The following CTDP1 variants were observed in gnomAD, a reference collection of about 807,000 sequenced individuals.
CTDP1 encodes the protein RNA polymerase II subunit A C-terminal domain phosphatase.
Under a neutral mutation model 91.8 loss-of-function variants are expected in CTDP1, and 47 were observed. The observed-to-expected ratio is 0.51, with a 90% confidence interval of 0.41 to 0.65. The LOEUF is 0.65. Among genes scored for constraint, CTDP1 ranks in the 30% least tolerant of loss-of-function variants. The pLI is 0.00. For synonymous variants in CTDP1, 656 were observed against 598.5 expected (o/e 1.10, Z -1.40); for missense variants, 1,272 against 1,373.7 (o/e 0.93, Z 1.17).
chr18:79,749,084 C>G (rs2086941189), intron 12 of CTDP1, among the ~76,000 whole-genome samples: 1 of 152,312 alleles, frequency 6.6e-6, no homozygotes, highest in Non-Finnish European at 1.5e-5. Context: ...TTTTGTCGGC[C>G]TTGTGAGGGG....
chr18:79,717,689 T>C lies in CTDP1; in HGVS notation c.2210+13T>C. On this transcript the variant is annotated intron_variant, in intron 9 of 12. Transcript: ENST00000613122. ...CCAAGGCACAGAGGTGGGTCCTCGC[T>C]GCACCCAGCAGGTCCGTGCCAGGCG... The C allele has an allele frequency of 6.2e-7, 1 of 1,613,988 alleles. No homozygotes were observed. The highest frequency in any genetic ancestry group is 8.5e-7 in the Non-Finnish European group (1 of 1,179,970).
intron 11 of CTDP1, among the ~76,000 whole-genome samples, chr18:79,729,920 C>A (rs781457481): frequency 6.6e-6 from 1 of 152,228 alleles, no homozygotes; most frequent in Non-Finnish European, 1.5e-5. Flanking sequence ...AGCCTATCCT[C>A]CCTGCCCGCC....
At chr18:79,726,835 TG>T (rs1568205988) in intron 10 of CTDP1, among the ~76,000 whole-genome samples, 1,305 of 15,950 alleles carry the variant, frequency 0.082, 60 homozygotes, top group African/African-American at 0.14. Context: ...CTGTGGGGGA[TG>T]GGGGTGACGC....
chr18:79,709,513 C>G (rs545237125), intron 5 of CTDP1, among the ~76,000 whole-genome samples: 2 of 152,242 alleles, frequency 1.3e-5, no homozygotes, highest in South Asian at 4.2e-4. Flanking sequence ...TTTAAGGAGT[C>G]GAAGCTGAGC....
At chr18:79,746,660 G>C (rs55760632) in intron 12 of CTDP1, among the ~76,000 whole-genome samples, 19,188 of 152,288 alleles carry the variant, frequency 0.13, 1,598 homozygotes, top group Non-Finnish European at 0.19. Flanking sequence ...TCTGTTGCCT[G>C]GGCTGGAGTG....
upstream of CTDP1, chr18:79,677,737 G>A (rs1323978235): frequency 1.3e-5 from 2 of 151,270 alleles, no homozygotes; most frequent in East Asian, 1.9e-4. Context: ...GTGAACCAGG[G>A]GTTCATGGGA....
chr18:79,696,539 G>A (rs2085751974), intron 3 of CTDP1, among the ~76,000 whole-genome samples: 1 of 152,286 alleles, frequency 6.6e-6, no homozygotes, highest in Admixed American at 6.5e-5. Context: ...GGGGGGACGT[G>A]GTTGGTAGCA....
intron 12 of CTDP1, among the ~76,000 whole-genome samples, chr18:79,738,346 C>T (rs2086709399): frequency 1.3e-5 from 2 of 152,226 alleles, no homozygotes; most frequent in East Asian, 1.9e-4. Context: ...ACTTGTGTCC[C>T]GAGGATTTGC....
intron 1 of CTDP1, 52 bp downstream of exon 1, chr18:79,680,313 T>G (rs1477156160): frequency 8.2e-7 from 1 of 1,224,826 alleles, no homozygotes; most frequent in African/African-American, 1.6e-5. Context: ...CGGGGAGGGA[T>G]CCTGGAGGAC....
chr18:79,728,345 C>T (rs1177335441), intron 10 of CTDP1, among the ~76,000 whole-genome samples: 1 of 152,066 alleles, frequency 6.6e-6, no homozygotes, highest in Non-Finnish European at 1.5e-5. Flanking sequence ...AGTGATCCAC[C>T]TGCCTCGGCC....
chr18:79,680,323 C>T, intron 1 of CTDP1, 62 bp downstream of exon 1: 2 of 1,204,614 alleles, frequency 1.7e-6, no homozygotes, highest in South Asian at 3.6e-5. Flanking sequence ...TCCTGGAGGA[C>T]CCCCGGGCTG....
Position 79,715,398 on chromosome 18 carries a change from G to A in CTDP1, c.1938G>A (p.Pro646=), listed in dbSNP as rs765183908. Residue 646 remains proline (P), a synonymous_variant, in exon 8 of 13, where the codon CCG becomes CCA. Coordinates refer to ENST00000613122, the MANE Select transcript of CTDP1 (RefSeq NM_004715.5). ...CCATAATTTTCAGTGGGCTACACCC[G>A]ACAAACTTCCCGATAGAGAAGACGC... The part of the protein sequence containing the change: ...DVAIIFSGLH[P]TNFPIEKTRE... 133 of 1,604,646 alleles carry A rather than the reference G, an allele frequency of 8.3e-5. No homozygotes were observed. The Middle Eastern group carries it at 2.3e-3, about 28-fold the overall frequency.
intron 1 of CTDP1, among the ~76,000 whole-genome samples, chr18:79,694,728 A>G (rs2122483273): frequency 6.6e-6 from 1 of 152,366 alleles, no homozygotes. Context: ...GGCTTCTGCC[A>G]GAAGACCACT....
chr18:79,742,283 C>T (rs545996272), intron 12 of CTDP1, among the ~76,000 whole-genome samples: 50 of 145,606 alleles, frequency 3.4e-4, no homozygotes, highest in African/African-American at 1.2e-3. Context: ...GAGGTGTCCA[C>T]GAGAGAGAGG....
Position 79,736,540 on chromosome 18 carries a change from G to A in CTDP1, c.2747+19G>A, listed in dbSNP as rs539834282. ...GGCCCAGGTGAGTGCGGGGTCTGAGGTGGGAGGGGCCTGACACGGGCTCCC... is the reference window on the plus strand; with the variant it reads ...GGCCCAGGTGAGTGCGGGGTCTGAGATGGGAGGGGCCTGACACGGGCTCCC... On this transcript the variant is annotated intron_variant, in intron 12 of 12. Transcript: ENST00000613122. 5.4e-5 allele frequency: 83 copies of A among 1,524,166 alleles called. 2 individuals are homozygous for A. The South Asian group carries it at 9.3e-4, about 17-fold the overall frequency. The allele number at this position is 1,524,166 out of a possible 1,614,324, so 94.4% of individuals were successfully genotyped here.
chr18:79,734,408 G>A (rs781740353), intron 11 of CTDP1, among the ~76,000 whole-genome samples: 7 of 152,258 alleles, frequency 4.6e-5, no homozygotes, highest in Non-Finnish European at 8.8e-5. Flanking sequence ...AGAGGAGATC[G>A]GAGGAGCATG....
chr18:79,747,120 A>C (rs985781719), intron 12 of CTDP1, among the ~76,000 whole-genome samples: 8 of 152,166 alleles, frequency 5.3e-5, no homozygotes, highest in African/African-American at 1.2e-4. Context: ...ATTTTTTTCC[A>C]GTCCTTTCAT....
chr18:79,705,406 A>G (rs1323735797), intron 5 of CTDP1, among the ~76,000 whole-genome samples: 1 of 152,196 alleles, frequency 6.6e-6, no homozygotes, highest in Non-Finnish European at 1.5e-5. Flanking sequence ...CAGCAGGACG[A>G]ATCGAGGGGA....
At chr18:79,751,759 G>A (rs2122908606) in intron 12 of CTDP1, among the ~76,000 whole-genome samples, 1 of 152,294 alleles carries the variant, frequency 6.6e-6, no homozygotes, top group African/African-American at 2.4e-5. Context: ...GAGTGCATGT[G>A]TGTTATATGC....
Sources: allele counts gnomAD v4.1 joint callset (sites outside exome capture counted in the v4.1 genomes callset), GRCh38; gene constraint gnomAD v4.1.1; transcripts MANE v1.5; gene names NCBI Gene and HGNC (gene_info 2026-07-23, HGNC 2026-07-21).